Variants in NXPE2 observed in about 807,000 individuals in gnomAD.
The protein encoded by NXPE2 is neurexophilin and PC-esterase domain family member 2.
In NXPE2, 34 loss-of-function variants were observed where a neutral mutation model predicts 34.4. That is an observed-to-expected ratio of 0.99 (90% CI 0.75 to 1.31). The LOEUF is 1.31. Ranked by LOEUF, NXPE2 falls within the 40% of genes most tolerant of loss-of-function variation. The pLI, the probability that NXPE2 is intolerant of heterozygous loss-of-function variation, is 0.00. For missense variants in NXPE2, 649 were observed against 672.5 expected (o/e 0.97, Z 0.39); for synonymous variants, 235 against 231.3 (o/e 1.02, Z -0.15).
chr11:114,766,276 A>G, the NXPE2 span, among the ~76,000 whole-genome samples: 1 of 152,066 alleles, frequency 6.6e-6, no homozygotes, highest in Non-Finnish European at 1.5e-5. Flanking sequence ...ATTCCCTCCA[A>G]GCTGCCCTTC....
At chr11:114,687,731 T>G (rs550698239) in intron 2 of NXPE2, among the ~76,000 whole-genome samples, 2 of 152,140 alleles carry the variant, frequency 1.3e-5, no homozygotes, top group African/African-American at 4.8e-5. Context: ...TTCTAATCCA[T>G]GAGCAAGGGA....
chr11:114,800,179 A>G, the NXPE2 span, among the ~76,000 whole-genome samples: 1 of 152,238 alleles, frequency 6.6e-6, no homozygotes, highest in Admixed American at 6.5e-5. Flanking sequence ...TCACAGCAGT[A>G]CAGAACAAAC....
At chr11:114,483,116 A>G in the NXPE2 span, among the ~76,000 whole-genome samples, 2 of 152,164 alleles carry the variant, frequency 1.3e-5, no homozygotes, top group Non-Finnish European at 1.5e-5. Context: ...CCTTATAAAC[A>G]TAAGTTTTGA....
the NXPE2 span, among the ~76,000 whole-genome samples, chr11:114,744,112 C>T: frequency 7.2e-5 from 11 of 152,100 alleles, no homozygotes; most frequent in African/African-American, 2.7e-4. Flanking sequence ...GGATGTCTTT[C>T]CTTATTAAAT....
At chr11:114,811,495 G>A in the NXPE2 span, among the ~76,000 whole-genome samples, 1 of 152,120 alleles carries the variant, frequency 6.6e-6, no homozygotes, top group South Asian at 2.1e-4. Context: ...TCACAACCAG[G>A]CTAGGGGAAA....
the NXPE2 span, among the ~76,000 whole-genome samples, chr11:114,718,590 C>T: frequency 6.6e-6 from 1 of 152,088 alleles, no homozygotes; most frequent in Non-Finnish European, 1.5e-5. Context: ...ACTAAAGGGG[C>T]AAAGGCTACA....
intron 2 of NXPE2, among the ~76,000 whole-genome samples, chr11:114,693,075 C>A (rs975599045): frequency 3.9e-5 from 6 of 152,136 alleles, no homozygotes; most frequent in Non-Finnish European, 8.8e-5. Flanking sequence ...AGTTTAAAGA[C>A]CTCATTATAT....
At chr11:114,652,727 A>T in the NXPE2 span, among the ~76,000 whole-genome samples, 4 of 150,116 alleles carry the variant, frequency 2.7e-5, no homozygotes, top group Non-Finnish European at 5.9e-5. Flanking sequence ...GAACATGAAG[A>T]GTGATAGAGC....
the NXPE2 span, chr11:114,512,912 C>T: frequency 3.2e-6 from 1 of 312,426 alleles, no homozygotes; most frequent in Non-Finnish European, 6.4e-6. Context: ...TCAGTATTGA[C>T]CTGAGAGGTG....
At chr11:114,699,346 A>G (rs894671301) in intron 3 of NXPE2, among the ~76,000 whole-genome samples, 1 of 152,142 alleles carries the variant, frequency 6.6e-6, no homozygotes. Flanking sequence ...CTTCCAATCT[A>G]TTCTCCACAC....
the NXPE2 span, among the ~76,000 whole-genome samples, chr11:114,642,475 C>T: frequency 2.0e-5 from 3 of 152,020 alleles, no homozygotes; most frequent in Admixed American, 2.0e-4. Context: ...TCCCTGTGTC[C>T]ATGTGTTCTC....
At chr11:114,738,098 A>G in the NXPE2 span, among the ~76,000 whole-genome samples, 1 of 152,014 alleles carries the variant, frequency 6.6e-6, no homozygotes. Context: ...AAAACAAACC[A>G]ATGAGACTGG....
the NXPE2 span, among the ~76,000 whole-genome samples, chr11:114,633,077 A>G: frequency 2.6e-5 from 3 of 116,726 alleles, no homozygotes; most frequent in Non-Finnish European, 4.8e-5. Flanking sequence ...GTTTTTTATA[A>G]TTTATCTTTT....
chr11:114,510,613 G>T, the NXPE2 span, among the ~76,000 whole-genome samples: 1 of 152,200 alleles, frequency 6.6e-6, no homozygotes. Context: ...TGGTGAAGGA[G>T]TCCCATGTTG....
At chr11:114,728,707 C>T in the NXPE2 span, among the ~76,000 whole-genome samples, 3 of 152,000 alleles carry the variant, frequency 2.0e-5, no homozygotes, top group Admixed American at 1.3e-4. Context: ...GTCTCAACTA[C>T]TCAACTCTGC....
the NXPE2 span, among the ~76,000 whole-genome samples, chr11:114,645,570 A>G: frequency 2.0e-5 from 3 of 152,192 alleles, no homozygotes; most frequent in African/African-American, 7.2e-5. Flanking sequence ...GCAATAAAAG[A>G]TACCCTAAAC....
At chr11:114,752,328 G>A in the NXPE2 span, among the ~76,000 whole-genome samples, 1 of 152,340 alleles carries the variant, frequency 6.6e-6, no homozygotes, top group South Asian at 2.1e-4. Context: ...AGTTCATGCA[G>A]CGGTCTGCAG....
chr11:114,789,975 A>T, the NXPE2 span, among the ~76,000 whole-genome samples: 4 of 152,228 alleles, frequency 2.6e-5, no homozygotes, highest in Admixed American at 6.5e-5. Context: ...AGAGAAGGCC[A>T]TGCAGGGAAT....
chr11:114,524,899 CA>C, the NXPE2 span, among the ~76,000 whole-genome samples: 1 of 152,094 alleles, frequency 6.6e-6, no homozygotes, highest in African/African-American at 2.4e-5. Flanking sequence ...GTATATCAGG[CA>C]AAAGCAACTC....
Sources: gnomAD v4.1 joint callset for allele counts (sites outside exome capture counted in the v4.1 genomes callset) on GRCh38, gnomAD v4.1.1 for gene constraint, MANE v1.5 for transcripts, NCBI Gene and HGNC (gene_info 2026-07-23, HGNC 2026-07-21) for gene names.